RPH3A: variants seen among roughly 807,000 people sequenced by gnomAD.
RPH3A encodes the protein rabphilin 3A.
In RPH3A, 48 loss-of-function variants were observed where a neutral mutation model predicts 102.2. The observed-to-expected ratio is 0.47, with a 90% CI of 0.37 to 0.60. The LOEUF (loss-of-function observed/expected upper bound fraction) is 0.60, where lower values mean the gene tolerates loss of function less well. Among genes scored for constraint, RPH3A ranks in the 20% least tolerant of loss-of-function variants. The pLI, the probability that RPH3A is intolerant of heterozygous loss-of-function variation, is 0.00. For synonymous variants in RPH3A, 310 were observed against 324.3 expected (o/e 0.96, Z 0.47); for missense variants, 781 against 910.1 (o/e 0.86, Z 1.83).
intron 19 of RPH3A, chr12:112,893,489 A>T (rs1421954550): frequency 6.6e-6 from 1 of 152,090 alleles, no homozygotes; most frequent in Non-Finnish European, 1.5e-5. Context: ...GTGTTTACTC[A>T]CCCAGGAAAT....
chr12:112,883,328 C>T lies in RPH3A; in HGVS notation c.1362C>T (p.Thr454=), dbSNP rs372453644. The T allele has an allele frequency of 4.3e-6, 7 of 1,614,008 alleles. No homozygotes were observed. Among genetic ancestry groups the T allele is most frequent in the Non-Finnish European group, 5.1e-6 (6 of 1,180,032 alleles). ...TTCGTACAAAAACTCTGCGGAATAC[C>T]CGGAACCCCATCTGGAATGAGACCC... ...NKLRTKTLRN[T]RNPIWNETLV... Residue 454 remains threonine (T), a synonymous_variant, in exon 16 of 22, where the codon ACC becomes ACT. Transcript: ENST00000389385.
chr12:112,733,432 T>C (rs558403105), intron 1 of RPH3A, among the ~76,000 whole-genome samples: 31 of 152,266 alleles, frequency 2.0e-4, no homozygotes, highest in African/African-American at 6.3e-4. Flanking sequence ...TGGGGGTTAA[T>C]GCCTGTGAAA....
intron 1 of RPH3A, among the ~76,000 whole-genome samples, chr12:112,752,759 T>C (rs2040793417): frequency 6.6e-6 from 1 of 151,900 alleles, no homozygotes; most frequent in African/African-American, 2.4e-5. Context: ...ATTTGATGAG[T>C]TTTGATAAAT....
intron 4 of RPH3A, among the ~76,000 whole-genome samples, chr12:112,844,883 G>A (rs1380580347): frequency 1.3e-5 from 2 of 152,230 alleles, no homozygotes; most frequent in South Asian, 4.1e-4. Context: ...GTCACCTGGG[G>A]CAGCAGTTAT....
At chr12:112,862,260 C>T (rs1189773208) in intron 5 of RPH3A, among the ~76,000 whole-genome samples, 1 of 151,700 alleles carries the variant, frequency 6.6e-6, no homozygotes, top group Non-Finnish European at 1.5e-5. Context: ...AAAAAGTTAG[C>T]CGGGCATGGT....
Position 112,841,173 on chromosome 12 carries a change from T to TAAAAAAAAAAAAAAAAAAAAAAA in RPH3A, c.83+4692_83+4693insAAAAAAAAAAAAAAAAAAAAAAA, listed in dbSNP as rs11447068. 2.1e-3 allele frequency among the ~76,000 whole-genome samples: 70 copies of TAAAAAAAAAAAAAAAAAAAAAAA among 33,294 alleles called. 2 individuals are homozygous for TAAAAAAAAAAAAAAAAAAAAAAA. Among genetic ancestry groups the TAAAAAAAAAAAAAAAAAAAAAAA allele is most frequent in the African/African-American group, 2.4e-3 (17 of 7,222 alleles). The allele number at this position is 33,294 out of a possible 152,430, so 21.8% of individuals were successfully genotyped here. A position where few individuals can be genotyped will look rare whatever the true frequency, so the allele number is the denominator to read the frequency against. On this transcript the variant is annotated intron_variant, in intron 4 of 21. Coordinates refer to ENST00000389385, the MANE Select transcript of RPH3A (RefSeq NM_001143854.2). The stretch of plus-strand genomic sequence containing the variant: ...GGCAACATAACAAGACCTTGTTTCT[T>TAAAAAAAAAAAAAAAAAAAAAAA]AAAAAAAAAAAAAAAAAAAAAGCCT...
chr12:112,840,066 A>G (rs2042116512), intron 4 of RPH3A, among the ~76,000 whole-genome samples: 1 of 152,246 alleles, frequency 6.6e-6, no homozygotes. Flanking sequence ...TAGGGCATGG[A>G]TACAGAGAAG....
At chr12:112,784,423 C>T (rs1009690627) in intron 1 of RPH3A, among the ~76,000 whole-genome samples, 4 of 152,164 alleles carry the variant, frequency 2.6e-5, no homozygotes, top group Admixed American at 6.6e-5. Context: ...TGTTCAAAGA[C>T]AGCAGCATCT....
At chr12:112,744,410 G>A (rs2040729845) in intron 1 of RPH3A, among the ~76,000 whole-genome samples, 1 of 152,186 alleles carries the variant, frequency 6.6e-6, no homozygotes, top group South Asian at 2.1e-4. Context: ...ACAAAAGAGT[G>A]AGACTAGAGC....
chr12:112,828,222 G>A, intron 2 of RPH3A, 79 bp from the exon 3 acceptor site: 1 of 936,570 alleles, frequency 1.1e-6, no homozygotes, highest in South Asian at 1.4e-5. Context: ...CACTGGGTGT[G>A]TGGCATAAAG....
intron 10 of RPH3A, among the ~76,000 whole-genome samples, chr12:112,871,784 T>C (rs2042713481): frequency 6.7e-6 from 1 of 149,094 alleles, no homozygotes; most frequent in Non-Finnish European, 1.5e-5. Context: ...ATATAAAATA[T>C]ACAATATACA....
rs2043029858 is a variant in RPH3A, at chr12:112,887,858, T to A, written c.1498T>A (p.Ser500Thr). 6.2e-7 allele frequency: 1 copy of A among 1,613,962 alleles called. No homozygotes were observed. The highest frequency in any genetic ancestry group is 2.2e-5 in the East Asian group (1 of 44,874). The change falls in exon 17 of 22, where the codon TCC becomes ACC. Residue 500 changes from serine (S) to threonine (T), a missense_variant. Physicochemically the swap from Ser to Thr is moderately conservative, Grantham distance 58. Transcript: ENST00000389385. ...TGAATTTATTGGTGAGACCAGATTC[T>A]CCCTCAAGAAACTGAAGCCCAACCA... is the stretch of plus-strand genomic sequence containing the variant. The part of the protein sequence containing the change: ...HNEFIGETRF[S>T]LKKLKPNQRK...
intron 11 of RPH3A, 142 bp from the exon 12 acceptor site, chr12:112,875,537 C>T (rs554124155): frequency 1.2e-5 from 8 of 678,226 alleles, no homozygotes; most frequent in South Asian, 3.8e-5. Context: ...GCTCCTCTCC[C>T]AGTGGGACTG....
intron 1 of RPH3A, among the ~76,000 whole-genome samples, chr12:112,748,744 T>C (rs906493779): frequency 1.3e-5 from 2 of 152,162 alleles, no homozygotes; most frequent in Admixed American, 1.3e-4. Flanking sequence ...TAGGGACCAC[T>C]GCCATTGACC....
In RPH3A at chr12:112,828,397, G is replaced by T. The variant is rs758762988; in HGVS notation, c.71+8G>T. ...CCGGCCCCTTCAATCAAAGTAAGTT[G>T]CTGCATCTTCCTGGGAGTGGCTTGT... On this transcript the variant is annotated splice_region_variant and intron_variant, in intron 3 of 21. Transcript: ENST00000389385. 1 of 1,599,654 alleles carries T rather than the reference G, an allele frequency of 6.3e-7. No individual in the cohort carries two copies. Among genetic ancestry groups the T allele is most frequent in the Non-Finnish European group, 8.5e-7 (1 of 1,172,972 alleles).
At chr12:112,698,033 G>C (rs2040364801) in intron 1 of RPH3A, among the ~76,000 whole-genome samples, 1 of 152,132 alleles carries the variant, frequency 6.6e-6, no homozygotes, top group Non-Finnish European at 1.5e-5. Flanking sequence ...AGCTACAGTA[G>C]TCAATATAAA....
At chr12:112,841,884 C>G in intron 4 of RPH3A, 2 of 454,890 alleles carry the variant, frequency 4.4e-6, no homozygotes, top group Non-Finnish European at 8.8e-6. Context: ...TAGTTGGTCT[C>G]TCTCTCCTTC....
At chr12:112,794,045 C>T (rs2041179293) in intron 2 of RPH3A, among the ~76,000 whole-genome samples, 1 of 152,250 alleles carries the variant, frequency 6.6e-6, no homozygotes, top group African/African-American at 2.4e-5. Context: ...CCAAATATCT[C>T]TCCACTGGGT....
intron 1 of RPH3A, among the ~76,000 whole-genome samples, chr12:112,667,140 G>A (rs1371119045): frequency 6.6e-6 from 1 of 152,110 alleles, no homozygotes; most frequent in Non-Finnish European, 1.5e-5. Context: ...GGACCTGTGT[G>A]CATGTTATTT....
Sources: allele counts gnomAD v4.1 joint callset (sites outside exome capture counted in the v4.1 genomes callset), GRCh38; gene constraint gnomAD v4.1.1; transcripts MANE v1.5; gene names NCBI Gene and HGNC (gene_info 2026-07-23, HGNC 2026-07-21).